RTF2: variants seen among roughly 807,000 people sequenced by gnomAD.
RTF2 encodes the protein replication termination factor 2.
Under a neutral mutation model 38.0 loss-of-function variants are expected in RTF2, and 18 were observed. That is an observed-to-expected ratio of 0.47 (90% CI 0.33 to 0.70). The LOEUF (loss-of-function observed/expected upper bound fraction) is 0.70, where lower values mean the gene tolerates loss of function less well. Ranked by LOEUF, RTF2 falls within the 30% of genes least tolerant of loss-of-function variation. The pLI is 0.02. For missense variants in RTF2, 311 were observed against 379.6 expected, an observed-to-expected ratio of 0.82 and a Z score of 1.50; for synonymous variants, 126 against 137.1, an observed-to-expected ratio of 0.92 and a Z score of 0.57.
At position 56,473,226 on chromosome 20, in the gene RTF2, T is replaced by C. The variant is rs540119541; in HGVS notation, c.70-75T>C. 69 of 1,075,204 alleles carry C rather than the reference T, an allele frequency of 6.4e-5. No homozygotes were observed. In the African/African-American group the frequency reaches 1.0e-3, roughly 16 times the overall value. The allele number at this position is 1,075,204 out of a possible 1,614,324, so 66.6% of individuals were successfully genotyped here. A position where few individuals can be genotyped will look rare whatever the true frequency, so the allele number is the denominator to read the frequency against. ...CATTACAGTGCGGTATTACTGAATA[T>C]ACTTTTATATGTAGAATTGTGAACC... On this transcript the variant is annotated intron_variant, in intron 1 of 8. Coordinates refer to ENST00000357348, the MANE Select transcript of RTF2 (RefSeq NM_016407.5).
chr20:56,499,416 C>CAG (rs1983777007), intron 5 of RTF2, among the ~76,000 whole-genome samples: 1 of 151,778 alleles, frequency 6.6e-6, no homozygotes. Context: ...CTCCTGACCT[C>CAG]GTGATCCACC....
intron 5 of RTF2, among the ~76,000 whole-genome samples, chr20:56,512,117 G>C (rs1248458952): frequency 6.6e-6 from 1 of 152,096 alleles, no homozygotes; most frequent in Non-Finnish European, 1.5e-5. Context: ...AAAGTGCTGG[G>C]ATCATAGGCA....
intron 5 of RTF2, chr20:56,496,587 G>A: frequency 6.9e-7 from 1 of 1,448,746 alleles, no homozygotes; most frequent in Non-Finnish European, 9.1e-7. Context: ...CAATCTATCT[G>A]CTGCTGTTGC....
At chr20:56,495,316 C>T in intron 5 of RTF2, 1 of 1,531,464 alleles carries the variant, frequency 6.5e-7, no homozygotes, top group South Asian at 1.2e-5. Context: ...AAAACAAAAC[C>T]AGCATTCAGT....
rs896620494 is a variant in RTF2 at position 56,519,105 on chromosome 20, C to G, written c.*840C>G. On this transcript the variant is annotated 3_prime_UTR_variant, in exon 9 of 9. Coordinates refer to ENST00000357348, the MANE Select transcript of RTF2 (RefSeq NM_016407.5). Reference sequence around the variant, plus strand: ...AGCTAGTGAAACTTCTCATGAGACTCCTAATGAAGAACCAAGAGCCACAGG... The same window carrying G: ...AGCTAGTGAAACTTCTCATGAGACTGCTAATGAAGAACCAAGAGCCACAGG... The G allele has an allele frequency of 6.6e-6, 1 of 152,214 alleles. No homozygotes were observed. The highest frequency in any genetic ancestry group is 1.9e-4 in the East Asian group (1 of 5,196). 9.4% of individuals were successfully genotyped at this position (152,214 alleles called of 1,614,324 possible).
At position 56,492,586 on chromosome 20, in the gene RTF2, A is replaced by ATT. The variant is rs1387236003; in HGVS notation, c.477+8398_477+8399dup. ...AAAAAAAATTTTTTTTAAAGTGGGA[A>ATT]TTAGAGTTGGAATCCAGTGGTGACT... On this transcript the variant is annotated intron_variant, in intron 5 of 8. Coordinates refer to ENST00000357348, the MANE Select transcript of RTF2 (RefSeq NM_016407.5). Among the ~76,000 whole-genome samples the ATT allele has an allele frequency of 5.3e-5, 8 of 151,474 alleles. No individual in the cohort carries two copies. The East Asian group carries it at 1.6e-3, about 31-fold the overall frequency.
intron 6 of RTF2, among the ~76,000 whole-genome samples, chr20:56,514,609 T>C (rs981058671): frequency 6.6e-6 from 1 of 152,200 alleles, no homozygotes; most frequent in African/African-American, 2.4e-5. Flanking sequence ...CGTATCACCC[T>C]GGAATAATGT....
At chr20:56,473,542 T>G in intron 2 of RTF2, 147 bp downstream of exon 2, 1 of 599,184 alleles carries the variant, frequency 1.7e-6, no homozygotes. Flanking sequence ...CTGAACATAG[T>G]TCTGTACTCT....
intron 5 of RTF2, among the ~76,000 whole-genome samples, chr20:56,510,395 A>T (rs1984570291): frequency 6.6e-6 from 1 of 152,108 alleles, no homozygotes; most frequent in African/African-American, 2.4e-5. Flanking sequence ...CCCCACCCCT[A>T]AAAAAAGGTT....
At chr20:56,487,657 GT>G (rs1982865882) in intron 5 of RTF2, among the ~76,000 whole-genome samples, 1 of 152,232 alleles carries the variant, frequency 6.6e-6, no homozygotes, top group Non-Finnish European at 1.5e-5. Flanking sequence ...CTCTGTGCTA[GT>G]TTGTTGGGGC....
At chr20:56,478,451 T>C (rs1982370218) in intron 4 of RTF2, among the ~76,000 whole-genome samples, 2 of 152,202 alleles carry the variant, frequency 1.3e-5, no homozygotes, top group South Asian at 2.1e-4. Flanking sequence ...GGTATGATCA[T>C]GCCACTGCAG....
chr20:56,515,212 G>A (rs547946403), intron 6 of RTF2, among the ~76,000 whole-genome samples: 1 of 152,214 alleles, frequency 6.6e-6, no homozygotes, highest in South Asian at 2.1e-4. Context: ...TTTTAACTAA[G>A]GACAGTTGCC....
intron 1 of RTF2, among the ~76,000 whole-genome samples, chr20:56,468,983 G>T (rs1012925723): frequency 6.6e-6 from 1 of 152,148 alleles, no homozygotes; most frequent in African/African-American, 2.4e-5. Flanking sequence ...TTAACAGGGG[G>T]TATCTCATGT....
chr20:56,483,035 T>G (rs1231899329), intron 4 of RTF2, among the ~76,000 whole-genome samples: 2 of 152,206 alleles, frequency 1.3e-5, no homozygotes, highest in Non-Finnish European at 2.9e-5. Flanking sequence ...TTCACAACCT[T>G]GAATACAGAT....
chr20:56,505,994 A>G (rs907447134), intron 5 of RTF2, among the ~76,000 whole-genome samples: 2 of 152,208 alleles, frequency 1.3e-5, no homozygotes, highest in Non-Finnish European at 2.9e-5. Flanking sequence ...AGATTAGCAT[A>G]AGTTTTCCTT....
chr20:56,478,058 C>T (rs1982346107), intron 4 of RTF2, among the ~76,000 whole-genome samples: 1 of 152,262 alleles, frequency 6.6e-6, no homozygotes, highest in African/African-American at 2.4e-5. Flanking sequence ...TAAGCAAAAG[C>T]GTTAAGCCCT....
intron 5 of RTF2, among the ~76,000 whole-genome samples, chr20:56,505,334 A>G (rs1302868827): frequency 6.6e-6 from 1 of 151,930 alleles, no homozygotes; most frequent in African/African-American, 2.4e-5. Flanking sequence ...AAAAATTCTT[A>G]AAAATTAGCC....
intron 1 of RTF2, among the ~76,000 whole-genome samples, chr20:56,470,353 A>G (rs988275112): frequency 6.6e-6 from 1 of 152,236 alleles, no homozygotes; most frequent in Non-Finnish European, 1.5e-5. Context: ...AGCGATTCAA[A>G]AAAGCCAGAA....
At chr20:56,488,227 G>A (rs1265320610) in intron 5 of RTF2, among the ~76,000 whole-genome samples, 3 of 152,090 alleles carry the variant, frequency 2.0e-5, no homozygotes, top group Non-Finnish European at 4.4e-5. Context: ...TGGGCTTGGT[G>A]GTGCATGCCT....
Sources: allele counts gnomAD v4.1 joint callset (sites outside exome capture counted in the v4.1 genomes callset), GRCh38; gene constraint gnomAD v4.1.1; transcripts MANE v1.5; gene names NCBI Gene and HGNC (gene_info 2026-07-23, HGNC 2026-07-21).